The following GPC6 variants were observed in gnomAD, a reference collection of about 807,000 sequenced individuals.
The protein encoded by GPC6 is glypican 6, also known as glypican-6.
GPC6 carries 14 observed loss-of-function variants against 55.2 expected under a neutral mutation model. The ratio of observed to expected loss-of-function variants is 0.25; its 90% CI spans 0.17 to 0.40. The LOEUF is 0.40. Among genes scored for constraint, GPC6 ranks in the 10% least tolerant of loss-of-function variants. The pLI is 1.00. For synonymous variants in GPC6, 278 were observed against 259.6 expected, an observed-to-expected ratio of 1.07 and a Z score of -0.68; for missense variants, 641 against 708.5, an observed-to-expected ratio of 0.90 and a Z score of 1.08.
At chr13:93,592,307 C>T (rs1053503634) in intron 2 of GPC6, among the ~76,000 whole-genome samples, 7 of 150,204 alleles carry the variant, frequency 4.7e-5, no homozygotes, top group Admixed American at 6.6e-5. Flanking sequence ...GCTTTAGCCT[C>T]CTGAGTAGCT....
At chr13:93,491,645 T>C (rs1880009979) in intron 1 of GPC6, among the ~76,000 whole-genome samples, 1 of 144,678 alleles carries the variant, frequency 6.9e-6, no homozygotes, top group Admixed American at 6.9e-5. Flanking sequence ...AGGGTTTTTA[T>C]GGTTTTAGGT....
intron 3 of GPC6, among the ~76,000 whole-genome samples, chr13:93,974,341 G>T (rs1880424185): frequency 6.6e-6 from 1 of 152,124 alleles, no homozygotes; most frequent in South Asian, 2.1e-4. Context: ...CAGAGAAAAG[G>T]TCAAAATAAT....
intron 1 of GPC6, among the ~76,000 whole-genome samples, chr13:93,410,109 A>C (rs1475000305): frequency 1.3e-5 from 2 of 152,058 alleles, no homozygotes; most frequent in African/African-American, 4.8e-5. Flanking sequence ...CAGGGATTCA[A>C]CCTCTTTCAG....
chr13:93,362,331 T>A (rs1264081278), intron 1 of GPC6, among the ~76,000 whole-genome samples: 1 of 152,168 alleles, frequency 6.6e-6, no homozygotes, highest in Non-Finnish European at 1.5e-5. Context: ...TGCTTTTGAA[T>A]TTCTGAGTGG....
chr13:94,165,281 TA>T (rs967531961), intron 4 of GPC6, among the ~76,000 whole-genome samples: 3 of 148,664 alleles, frequency 2.0e-5, no homozygotes, highest in Non-Finnish European at 4.5e-5. Context: ...TACACATATA[TA>T]TATATATATA....
Position 93,673,760 on chromosome 13 carries a change from TATAAC to T in GPC6, c.319+128341_319+128345del, listed in dbSNP as rs1881469549. On this transcript the variant is annotated intron_variant, in intron 2 of 8. Transcript: ENST00000377047. ...TATCTATAAACAGAATATGGAAAGA[TATAAC>T]AAAACATTTAGAAGTTTCTTTTGAC... 2.6e-5 allele frequency among the ~76,000 whole-genome samples: 4 copies of T among 152,188 alleles called. No homozygotes were observed. The South Asian group carries it at 6.2e-4, about 24-fold the overall frequency.
chr13:93,709,991 T>G (rs923273616), intron 2 of GPC6, among the ~76,000 whole-genome samples: 3 of 151,760 alleles, frequency 2.0e-5, no homozygotes, highest in Admixed American at 6.6e-5. Flanking sequence ...GGTCCATCAA[T>G]TACAAGGGTT....
At chr13:93,664,861 G>C (rs1297337686) in intron 2 of GPC6, among the ~76,000 whole-genome samples, 1 of 152,166 alleles carries the variant, frequency 6.6e-6, no homozygotes, top group Non-Finnish European at 1.5e-5. Flanking sequence ...ATTTCTGTTA[G>C]AGAACATCTT....
At chr13:93,636,956 G>A (rs547516628) in intron 2 of GPC6, among the ~76,000 whole-genome samples, 7 of 149,286 alleles carry the variant, frequency 4.7e-5, no homozygotes, top group Middle Eastern at 6.8e-3. Context: ...TCTCCTCTTA[G>A]TGGAGCACAT....
chr13:93,823,049 G>C (rs1887111737), intron 2 of GPC6, among the ~76,000 whole-genome samples: 1 of 151,392 alleles, frequency 6.6e-6, no homozygotes, highest in South Asian at 2.1e-4. Context: ...ATTTTTAGTA[G>C]AGACAGGGTT....
chr13:93,393,125 T>TAGAGAGAGAG (rs1394640725), intron 1 of GPC6, among the ~76,000 whole-genome samples: 4 of 96,744 alleles, frequency 4.1e-5, no homozygotes, highest in African/African-American at 1.5e-4. Context: ...TATATATATA[T>TAGAGAGAGAG]ATAGAGAGAG....
chr13:93,871,780 A>G (rs1396482401), intron 3 of GPC6, among the ~76,000 whole-genome samples: 4 of 151,942 alleles, frequency 2.6e-5, no homozygotes, highest in African/African-American at 7.2e-5. Context: ...ATATCCTCTT[A>G]ATTTCTGAAT....
chr13:93,289,175 T>C (rs1878235514), intron 1 of GPC6, among the ~76,000 whole-genome samples: 1 of 152,130 alleles, frequency 6.6e-6, no homozygotes, highest in Admixed American at 6.6e-5. Context: ...GATGACTTTA[T>C]TAATGCTAAC....
At chr13:94,278,532 T>G (rs1261912405) in intron 4 of GPC6, among the ~76,000 whole-genome samples, 2 of 152,356 alleles carry the variant, frequency 1.3e-5, no homozygotes, top group East Asian at 3.9e-4. Flanking sequence ...AAGGGAATGC[T>G]TCCAACGTTT....
chr13:94,028,484 A>G (rs1314346394), intron 4 of GPC6, among the ~76,000 whole-genome samples: 1 of 148,354 alleles, frequency 6.7e-6, no homozygotes, highest in African/African-American at 2.5e-5. Flanking sequence ...TCCCGTGAGA[A>G]AGGACGCTTT....
chr13:94,368,130 A>G (rs1363351411), intron 6 of GPC6, among the ~76,000 whole-genome samples: 2 of 146,394 alleles, frequency 1.4e-5, no homozygotes, highest in Non-Finnish European at 3.0e-5. Context: ...GCCTGGTGAC[A>G]GAGCAAGACT....
intron 6 of GPC6, among the ~76,000 whole-genome samples, chr13:94,374,273 T>G (rs1167211256): frequency 6.6e-6 from 1 of 151,602 alleles, no homozygotes. Context: ...GACTGGCAAA[T>G]TGGATGAAGA....
intron 1 of GPC6, among the ~76,000 whole-genome samples, chr13:93,285,636 G>GTGTGTGTGTGTC (rs760551922): frequency 6.7e-6 from 1 of 149,128 alleles, no homozygotes; most frequent in Admixed American, 6.7e-5. Flanking sequence ...GTGTGTGTGT[G>GTGTGTGTGTGTC]TGTGTGTGTG....
intron 3 of GPC6, among the ~76,000 whole-genome samples, chr13:93,977,947 T>C (rs1181421290): frequency 6.6e-6 from 1 of 152,218 alleles, no homozygotes; most frequent in African/African-American, 2.4e-5. Flanking sequence ...GATTACTGTC[T>C]AAAATATCTT....
Sources: allele counts gnomAD v4.1 joint callset (sites outside exome capture counted in the v4.1 genomes callset), GRCh38; gene constraint gnomAD v4.1.1; transcripts MANE v1.5; gene names NCBI Gene and HGNC (gene_info 2026-07-23, HGNC 2026-07-21).